ALDH16A1: variants seen among roughly 807,000 people sequenced by gnomAD.
ALDH16A1 encodes the protein aldehyde dehydrogenase family 16 member A1.
Under a neutral mutation model 96.1 loss-of-function variants are expected in ALDH16A1, and 88 were observed. That is an observed-to-expected ratio of 0.92 (90% CI 0.77 to 1.09). The LOEUF (loss-of-function observed/expected upper bound fraction) is 1.09, where lower values mean the gene tolerates loss of function less well. Among genes scored for constraint, ALDH16A1 ranks in the 50% least tolerant of loss-of-function variants. ALDH16A1 has a pLI of 0.00. For missense variants in ALDH16A1, 1,250 were observed against 1,112.6 expected (o/e 1.12, Z -1.76); for synonymous variants, 522 against 496.4 (o/e 1.05, Z -0.69).
intron 1 of ALDH16A1, among the ~76,000 whole-genome samples, chr19:49,455,539 G>A (rs2079100631): frequency 1.3e-5 from 2 of 150,772 alleles, no homozygotes; most frequent in South Asian, 4.2e-4. Flanking sequence ...CCTGGGAGGT[G>A]CAGTGATCAT....
chr19:49,467,454 GCGCAA>G (rs1160615609), intron 14 of ALDH16A1, among the ~76,000 whole-genome samples: 1 of 150,628 alleles, frequency 6.6e-6, no homozygotes, highest in Non-Finnish European at 1.5e-5. Context: ...GAGTGCAGTG[GCGCAA>G]TCTCGGCTCA....
chr19:49,454,979 G>A (rs944929419), intron 1 of ALDH16A1, among the ~76,000 whole-genome samples: 1 of 151,232 alleles, frequency 6.6e-6, no homozygotes, highest in Non-Finnish European at 1.5e-5. Context: ...TTACCTGAGC[G>A]TGGTGGTGTT....
In ALDH16A1 at chr19:49,459,835, C is replaced by T. The variant is rs761047096; in HGVS notation, c.486C>T (p.Gly162=). Residue 162 remains glycine (G), a synonymous_variant, in exon 4 of 17, where the codon GGC becomes GGT. Coordinates refer to ENST00000293350, the MANE Select transcript of ALDH16A1 (RefSeq NM_153329.4). This position sits in a 1 kb window ranked among gnomAD's most constrained non-coding sequence, Gnocchi z 4.1. ...CCACCCAGGAGGAGGCACTGGCAGGCTGGGAGCCCATGGGTGAGACCCTGG... is the reference window on the plus strand; with the variant it reads ...CCACCCAGGAGGAGGCACTGGCAGGTTGGGAGCCCATGGGTGAGACCCTGG... The part of the protein sequence containing the change: ...QASTQEEALA[G]WEPMGVIGLI... The T allele has an allele frequency of 1.9e-5, 30 of 1,613,206 alleles. No individual in the cohort carries two copies. The highest frequency in any genetic ancestry group is 1.6e-4 in the Middle Eastern group (1 of 6,082).
At chr19:49,456,293 ATATT>A (rs1262829774) in intron 1 of ALDH16A1, among the ~76,000 whole-genome samples, 3 of 152,142 alleles carry the variant, frequency 2.0e-5, no homozygotes, top group Non-Finnish European at 4.4e-5. Flanking sequence ...TTTCCTATAA[ATATT>A]TGAATCCTTT....
intron 12 of ALDH16A1, 41 bp downstream of exon 12, chr19:49,464,803 G>C (rs1258824173): frequency 1.2e-6 from 2 of 1,611,312 alleles, no homozygotes; most frequent in Admixed American, 3.3e-5. Context: ...TGTGAACGGG[G>C]AGAGGGGAAT....
intron 1 of ALDH16A1, chr19:49,453,629 C>T: frequency 3.8e-6 from 2 of 524,600 alleles, no homozygotes; most frequent in Non-Finnish European, 6.9e-6. Flanking sequence ...TCCGGTCTTC[C>T]CCACTGGTTC....
rs919682425 is a variant in ALDH16A1, at chr19:49,470,590, G to A, written c.*123G>A. On this transcript the variant is annotated 3_prime_UTR_variant, in exon 17 of 17. Coordinates refer to ENST00000293350, the MANE Select transcript of ALDH16A1 (RefSeq NM_153329.4). ...CCAATAAACTCTCTGACCAACCCTA[G>A]CTGTGCTTCTGCGAGAAGAAAGGGT... The A allele has an allele frequency of 9.0e-7, 1 of 1,109,448 alleles. No individual in the cohort carries two copies. The highest frequency in any genetic ancestry group is 1.6e-5 in the African/African-American group (1 of 60,748). The allele number at this position is 1,109,448 out of a possible 1,614,324, so 68.7% of individuals were successfully genotyped here.
chr19:49,464,586 G>T, intron 11 of ALDH16A1, 46 bp from the exon 12 acceptor site: 2 of 1,612,236 alleles, frequency 1.2e-6, no homozygotes, highest in Non-Finnish European at 1.7e-6. Context: ...ACTCGCATCC[G>T]GCCTCGCGTG....
chr19:49,467,144 A>C (rs1439596431), intron 14 of ALDH16A1, among the ~76,000 whole-genome samples: 1 of 152,116 alleles, frequency 6.6e-6, no homozygotes, highest in Non-Finnish European at 1.5e-5. Context: ...CAGCCTCCTG[A>C]GTATCTGGGA....
rs34269663 is a variant in ALDH16A1, at chr19:49,458,218, C to CA, written c.91-256dup. ...TGGGTGACAGAGCAAGACTCAGTCTCAAAAAAAAAAAATGAAAAAATGTTC... is the reference window on the plus strand; with the variant it reads ...TGGGTGACAGAGCAAGACTCAGTCTCAAAAAAAAAAAAATGAAAAAATGTTC... On this transcript the variant is annotated intron_variant, in intron 1 of 16. Coordinates refer to ENST00000293350, the MANE Select transcript of ALDH16A1 (RefSeq NM_153329.4). 1.8e-4 allele frequency among the ~76,000 whole-genome samples: 27 copies of CA among 145,980 alleles called. No individual in the cohort carries two copies. In the South Asian group the frequency reaches 4.6e-3, roughly 25 times the overall value.
rs370667132 is a variant in ALDH16A1 at position 49,459,664 on chromosome 19, C to G, written c.321-6C>G. On this transcript the variant is annotated splice_polypyrimidine_tract_variant and splice_region_variant and intron_variant, in intron 3 of 16. Transcript: ENST00000293350. The surrounding 1 kb of genome is among the most constrained non-coding windows in gnomAD (Gnocchi z 4.1). ...GAAAATGAGCACCCTCTTGCTTTCT[C>G]GACAGGCTGGCCGAGGTGATCCAGA... The G allele has an allele frequency of 1.3e-4, 201 of 1,601,470 alleles. No individual in the cohort carries two copies. Among genetic ancestry groups the G allele is most frequent in the Non-Finnish European group, 1.7e-4 (194 of 1,173,980 alleles).
At chr19:49,455,416 CAAAAAAAA>C (rs10530269) in intron 1 of ALDH16A1, among the ~76,000 whole-genome samples, 1 of 136,564 alleles carries the variant, frequency 7.3e-6, no homozygotes, top group African/African-American at 2.8e-5. Flanking sequence ...AACTCCATCT[CAAAAAAAA>C]AAAAAAAAAA....
rs138383674 is a variant in ALDH16A1 at position 49,465,773 on chromosome 19, G to A, written c.1604G>A (p.Arg535His). The A allele has an allele frequency of 3.5e-5, 57 of 1,613,944 alleles. No homozygotes were observed. Among genetic ancestry groups the A allele is most frequent in the South Asian group, 1.5e-4 (14 of 91,084 alleles). The stretch of plus-strand genomic sequence containing the variant: ...CCCTATGGGCTCTTCGTTGGGGGCC[G>A]TTTCCAGGCTCCTGGGGCCCGAAGC... The part of the protein sequence containing the change: ...APPYGLFVGG[R>H]FQAPGARSSR... Residue 535 changes from arginine (R) to histidine (H), a missense_variant, in exon 13 of 17, where the codon CGT becomes CAT. Arg to His is a conservative substitution (Grantham distance 29). Coordinates refer to ENST00000293350, the MANE Select transcript of ALDH16A1 (RefSeq NM_153329.4).
At chr19:49,465,300 C>T (rs1434252675) in intron 12 of ALDH16A1, among the ~76,000 whole-genome samples, 1 of 148,654 alleles carries the variant, frequency 6.7e-6, no homozygotes, top group Non-Finnish European at 1.5e-5. Flanking sequence ...TTTGGGGTGC[C>T]CCACAGGCTT....
In ALDH16A1 at chr19:49,466,241, G is replaced by A. The variant is rs745947482; in HGVS notation, c.1896G>A (p.Arg632=). Reference sequence around the variant, plus strand: ...TGGAGCTGAGCGCAAGACGACTTCGGGCGTGGGGGGCCCGGGTGCAGGCCC... The same window carrying A: ...TGGAGCTGAGCGCAAGACGACTTCGAGCGTGGGGGGCCCGGGTGCAGGCCC... ...AEVELSARRL[R]AWGARVQAQG... is the part of the protein sequence containing the mutation. The change falls in exon 14 of 17, where the codon CGG becomes CGA. Residue 632 remains arginine, a synonymous_variant. Transcript: ENST00000293350. 1 of 1,486,976 alleles carries A rather than the reference G, an allele frequency of 6.7e-7. No individual in the cohort carries two copies. Among genetic ancestry groups the A allele is most frequent in the South Asian group, 1.4e-5 (1 of 73,714 alleles). 92.1% of individuals were successfully genotyped at this position (1,486,976 alleles called of 1,614,324 possible).
At chr19:49,465,058 T>G (rs1280521578) in intron 12 of ALDH16A1, among the ~76,000 whole-genome samples, 1 of 151,968 alleles carries the variant, frequency 6.6e-6, no homozygotes, top group East Asian at 1.9e-4. Flanking sequence ...AGCAGGAGCT[T>G]GGGGTCCCCC....
In ALDH16A1 at chr19:49,455,240, A is replaced by C. The variant is rs549418599; in HGVS notation, c.90+1819A>C. Among the ~76,000 whole-genome samples the C allele has an allele frequency of 1.6e-4, 24 of 150,306 alleles. No individual in the cohort carries two copies. In the South Asian group the frequency reaches 4.2e-3, roughly 26 times the overall value. On this transcript the variant is annotated intron_variant, in intron 1 of 16. Transcript: ENST00000293350. ...AGACCAGCCTGGCCAAGATGGTGAA[A>C]CCCATCTCTACTAAAAATACAAAAA...
At position 49,464,208 on chromosome 19, in the gene ALDH16A1, G is replaced by A; in HGVS notation, c.1276G>A (p.Gly426Ser). 2 of 1,605,992 alleles carry A rather than the reference G, an allele frequency of 1.2e-6. No homozygotes were observed. The highest frequency in any genetic ancestry group is 1.7e-6 in the Non-Finnish European group (2 of 1,179,500). Residue 426 changes from glycine to serine, a missense_variant, in exon 10 of 17, where the codon GGC becomes AGC. Gly to Ser is a moderately conservative substitution (Grantham distance 56). Coordinates refer to ENST00000293350, the MANE Select transcript of ALDH16A1 (RefSeq NM_153329.4). ...LLVANGTPRG[G>S]SASVWSERLG... Reference sequence around the variant, plus strand: ...GGTGGCCAACGGGACGCCCCGCGGGGGCAGCGCCAGTGTGTGGAGCGAGAG... The same window carrying A: ...GGTGGCCAACGGGACGCCCCGCGGGAGCAGCGCCAGTGTGTGGAGCGAGAG...
At position 49,458,439 on chromosome 19, in the gene ALDH16A1, C is replaced by A. The variant is rs915820111; in HGVS notation, c.91-47C>A. On this transcript the variant is annotated intron_variant, in intron 1 of 16. Coordinates refer to ENST00000293350, the MANE Select transcript of ALDH16A1 (RefSeq NM_153329.4). Reference sequence around the variant, plus strand: ...GGATTCTGGGTAGGGGTTGAACTGCCCCAGCTCCTCCCGAACCCCTTTCCA... The same window carrying A: ...GGATTCTGGGTAGGGGTTGAACTGCACCAGCTCCTCCCGAACCCCTTTCCA... 2.7e-6 allele frequency: 4 copies of A among 1,486,496 alleles called. No homozygotes were observed. The African/African-American group carries it at 5.6e-5, about 21-fold the overall frequency. The allele number at this position is 1,486,496 out of a possible 1,614,324, so 92.1% of individuals were successfully genotyped here.
Sources: allele counts gnomAD v4.1 joint callset (sites outside exome capture counted in the v4.1 genomes callset), GRCh38; gene constraint gnomAD v4.1.1; non-coding constraint Gnocchi (gnomAD v3.1); transcripts MANE v1.5; gene names NCBI Gene and HGNC (gene_info 2026-07-23, HGNC 2026-07-21).